The following ATXN7 variants were observed in gnomAD, a reference collection of about 807,000 sequenced individuals.
ATXN7 encodes ataxin-7.
In ATXN7, 12 loss-of-function variants were observed where a neutral mutation model predicts 70.5. The observed-to-expected ratio is 0.17, with a 90% CI of 0.11 to 0.28. The LOEUF (loss-of-function observed/expected upper bound fraction) is 0.28. Among genes scored for constraint, ATXN7 ranks in the 10% least tolerant of loss-of-function variants. ATXN7 has a pLI of 1.00. For synonymous variants in ATXN7, 498 were observed against 448.7 expected, an observed-to-expected ratio of 1.11 and a Z score of -1.39; for missense variants, 1,256 against 1,131.7, an observed-to-expected ratio of 1.11 and a Z score of -1.58.
chr3:63,869,798 C>G (rs1474321563), intron 1 of ATXN7, among the ~76,000 whole-genome samples: 1 of 152,206 alleles, frequency 6.6e-6, no homozygotes, highest in Non-Finnish European at 1.5e-5. Flanking sequence ...CTGGAACCAT[C>G]TTACTTTCAA....
At position 63,988,171 on chromosome 3, in the gene ATXN7, A is replaced by G; in HGVS notation, c.1208A>G (p.Asp403Gly). 1 of 1,613,574 alleles carries G rather than the reference A, an allele frequency of 6.2e-7. No individual in the cohort carries two copies. The highest frequency in any genetic ancestry group is 8.5e-7 in the Non-Finnish European group (1 of 1,179,888). ...GAAAAGGAATTGATTCGCCATCCGG[A>G]CTCTCAGCAACCACCGCAGCCTCTC... ...TREKELIRHPDSQQPPQPLRD... is the reference protein window; with the variant it reads ...TREKELIRHPGSQQPPQPLRD... The change falls in exon 9 of 13, where the codon GAC becomes GGC. Residue 403 changes from aspartate to glycine, a missense_variant. Asp to Gly is a moderately conservative substitution (Grantham distance 94). Transcript: ENST00000674280.
chr3:63,934,025 A>G (rs1214370754), intron 4 of ATXN7, among the ~76,000 whole-genome samples: 1 of 152,124 alleles, frequency 6.6e-6, no homozygotes, highest in Non-Finnish European at 1.5e-5. Flanking sequence ...TGAATCACAA[A>G]TGTTGTACTT....
chr3:63,891,543 G>A (rs1291898927), intron 1 of ATXN7, among the ~76,000 whole-genome samples: 4 of 151,576 alleles, frequency 2.6e-5, no homozygotes, highest in East Asian at 1.9e-4. Flanking sequence ...GGCTGATCTC[G>A]AACTCCTGGC....
chr3:63,902,730 T>C (rs1203382233), intron 2 of ATXN7, among the ~76,000 whole-genome samples: 1 of 151,980 alleles, frequency 6.6e-6, no homozygotes, highest in Non-Finnish European at 1.5e-5. Flanking sequence ...AAAGATGAAG[T>C]TTCAAGCAAA....
intron 4 of ATXN7, among the ~76,000 whole-genome samples, chr3:63,934,253 C>T (rs994270129): frequency 1.3e-5 from 2 of 152,150 alleles, no homozygotes; most frequent in Admixed American, 6.5e-5. Context: ...CCTGCCTACT[C>T]GGAGGCTATG....
In ATXN7 at chr3:63,913,179, C is replaced by G. The variant is rs1262320163; in HGVS notation, c.348C>G (p.Phe116Leu). The G allele has an allele frequency of 6.2e-7, 1 of 1,613,952 alleles. No individual in the cohort carries two copies. Among genetic ancestry groups the G allele is most frequent in the Admixed American group, 1.7e-5 (1 of 60,008 alleles). The change falls in exon 4 of 13, where the codon TTC (phenylalanine) becomes TTG (leucine). Residue 116 changes from phenylalanine (F) to leucine (L), a missense_variant. By Grantham distance (22) the Phe-to-Leu change is conservative. Coordinates refer to ENST00000674280, the MANE Select transcript of ATXN7 (RefSeq NM_001377405.1). ...GKDGTELDES[F>L]KEFGKNREVM... Reference sequence around the variant, plus strand: ...TAGGGACAGAATTGGACGAAAGTTTCAAGGAGTTTGGGAAAAACCGCGAAG... The same window carrying G: ...TAGGGACAGAATTGGACGAAAGTTTGAAGGAGTTTGGGAAAAACCGCGAAG...
At chr3:63,958,852 A>G (rs568243171) in intron 5 of ATXN7, among the ~76,000 whole-genome samples, 11 of 152,326 alleles carry the variant, frequency 7.2e-5, no homozygotes, top group African/African-American at 2.6e-4. Flanking sequence ...CACAGATAAA[A>G]TATACCAACC....
At chr3:63,965,519 C>T (rs1245084368) in intron 5 of ATXN7, among the ~76,000 whole-genome samples, 1 of 152,150 alleles carries the variant, frequency 6.6e-6, no homozygotes, top group South Asian at 2.1e-4. Flanking sequence ...ACAGCTGATA[C>T]ATATAATTTT....
chr3:63,875,463 G>A (rs1405981836), intron 1 of ATXN7, among the ~76,000 whole-genome samples: 1 of 152,180 alleles, frequency 6.6e-6, no homozygotes, highest in Non-Finnish European at 1.5e-5. Context: ...GTGGTGTCTA[G>A]TAGTCACCTT....
At chr3:63,870,686 T>A (rs570082614) in intron 1 of ATXN7, among the ~76,000 whole-genome samples, 1 of 152,330 alleles carries the variant, frequency 6.6e-6, no homozygotes, top group East Asian at 1.9e-4. Flanking sequence ...CTTTTGGAGC[T>A]GTCTTTTGCT....
In ATXN7 at chr3:63,999,432, C is replaced by A; in HGVS notation, c.2662-18C>A. 1.3e-6 allele frequency: 2 copies of A among 1,596,366 alleles called. No homozygotes were observed. Among genetic ancestry groups the A allele is most frequent in the Non-Finnish European group, 1.7e-6 (2 of 1,163,932 alleles). ...TACTTACCATTTCATTATTTCCCCA[C>A]CCCCTCTTTTTTGAAAGCCAAAGGC... On this transcript the variant is annotated intron_variant, in intron 12 of 12. Transcript: ENST00000674280.
Position 63,988,176 on chromosome 3 carries a change from C to A in ATXN7, c.1213C>A (p.Gln405Lys). The change falls in exon 9 of 13, where the codon CAG becomes AAG. Residue 405 changes from glutamine to lysine, a missense_variant. By Grantham distance (53) the Gln-to-Lys change is moderately conservative. Coordinates refer to ENST00000674280, the MANE Select transcript of ATXN7 (RefSeq NM_001377405.1). ...EKELIRHPDS[Q>K]QPPQPLRDPH... The stretch of plus-strand genomic sequence containing the variant: ...GGAATTGATTCGCCATCCGGACTCT[C>A]AGCAACCACCGCAGCCTCTCAGGGA... 1 of 1,614,090 alleles carries A rather than the reference C, an allele frequency of 6.2e-7. No homozygotes were observed. Among genetic ancestry groups the A allele is most frequent in the Non-Finnish European group, 8.5e-7 (1 of 1,179,988 alleles).
intron 4 of ATXN7, among the ~76,000 whole-genome samples, chr3:63,928,991 G>C (rs1704826853): frequency 6.6e-6 from 1 of 152,132 alleles, no homozygotes; most frequent in South Asian, 2.1e-4. Context: ...GTGCATATTA[G>C]TCCACATAAG....
chr3:63,871,674 A>G (rs1702594100), intron 1 of ATXN7, among the ~76,000 whole-genome samples: 1 of 152,172 alleles, frequency 6.6e-6, no homozygotes, highest in Non-Finnish European at 1.5e-5. Flanking sequence ...ATAGAAAAAA[A>G]GGTATATAAT....
At chr3:63,998,791 G>A (rs2075800616) in intron 12 of ATXN7, 1 of 725,064 alleles carries the variant, frequency 1.4e-6, no homozygotes, top group South Asian at 6.2e-5. Context: ...AAAGAATGCT[G>A]CTGTTACAAA....
In ATXN7 at chr3:63,868,831, G is replaced by A. The variant is rs1411057534; in HGVS notation, c.-111+4673G>A. Among the ~76,000 whole-genome samples, 4 of 152,112 alleles carry A rather than the reference G, an allele frequency of 2.6e-5. No homozygotes were observed. The East Asian group carries it at 5.8e-4, about 22-fold the overall frequency. ...CTAAAAGTGCTTCAGCACTCCTTTC[G>A]TTTTGAGACCTTCACAGGTAACCCA... On this transcript the variant is annotated intron_variant, in intron 1 of 12. Transcript: ENST00000674280.
chr3:63,991,016 A>G (rs1258462909), intron 11 of ATXN7, 157 bp downstream of exon 11: 15 of 1,011,026 alleles, frequency 1.5e-5, no homozygotes, highest in Non-Finnish European at 2.2e-5. Context: ...TCATTCATTT[A>G]CCCCTTTACC....
At position 63,990,251 on chromosome 3, in the gene ATXN7, T is replaced by A; in HGVS notation, c.1437T>A (p.Pro479=). 6.2e-7 allele frequency: 1 copy of A among 1,613,704 alleles called. No homozygotes were observed. Residue 479 remains proline (P), a synonymous_variant, in exon 10 of 13, where the codon CCT becomes CCA. Coordinates refer to ENST00000674280, the MANE Select transcript of ATXN7 (RefSeq NM_001377405.1). ...CTCCAGTCCATGAATCTCCACACCC[T>A]CCCCTGCCTGCCACTGAGCCAGCTT... The part of the protein sequence containing the change: ...DPPPVHESPH[P]PLPATEPASR...
intron 1 of ATXN7, among the ~76,000 whole-genome samples, chr3:63,870,063 T>C (rs1349296829): frequency 1.3e-5 from 2 of 152,168 alleles, no homozygotes; most frequent in Non-Finnish European, 2.9e-5. Flanking sequence ...AAGGACCATA[T>C]AGTAAATATT....
Sources: gnomAD v4.1 joint callset for allele counts (sites outside exome capture counted in the v4.1 genomes callset) on GRCh38, gnomAD v4.1.1 for gene constraint, MANE v1.5 for transcripts, NCBI Gene and HGNC (gene_info 2026-07-23, HGNC 2026-07-21) for gene names.